ARHGEF10L: variants seen among roughly 807,000 people sequenced by gnomAD.
ARHGEF10L encodes the protein Rho guanine nucleotide exchange factor 10 like, also known as rho guanine nucleotide exchange factor 10-like protein.
A neutral mutation model predicts 141.2 loss-of-function variants in ARHGEF10L; 69 were observed. The observed-to-expected ratio is 0.49, with a 90% CI of 0.40 to 0.60. The LOEUF is 0.60. Ranked by LOEUF, ARHGEF10L falls within the 20% of genes least tolerant of loss-of-function variation. The pLI is 0.00. For missense variants in ARHGEF10L, 1,482 were observed against 1,734.3 expected, an observed-to-expected ratio of 0.85 and a Z score of 2.58; for synonymous variants, 711 against 718.5, an observed-to-expected ratio of 0.99 and a Z score of 0.17.
chr1:17,597,361 A>T (rs559034434), intron 4 of ARHGEF10L, among the ~76,000 whole-genome samples: 1 of 151,950 alleles, frequency 6.6e-6, no homozygotes, highest in Admixed American at 6.6e-5. Context: ...CGTGGCTTCC[A>T]TGGACAGCGG....
intron 9 of ARHGEF10L, among the ~76,000 whole-genome samples, chr1:17,617,711 T>A (rs1041419786): frequency 4.6e-5 from 7 of 152,296 alleles, no homozygotes; most frequent in Non-Finnish European, 8.8e-5. Flanking sequence ...AATTCTGTAA[T>A]CTCCCTGTGC....
intron 1 of ARHGEF10L, among the ~76,000 whole-genome samples, chr1:17,563,488 G>A (rs187988347): frequency 6.6e-6 from 1 of 152,250 alleles, no homozygotes; most frequent in Admixed American, 6.5e-5. Context: ...GCCTGTCTCG[G>A]CCTCCCAAAG....
Position 17,656,751 on chromosome 1 carries a change from G to A in ARHGEF10L, c.2860+43G>A, listed in dbSNP as rs1365565485. The A allele has an allele frequency of 6.3e-7, 1 of 1,581,842 alleles. No individual in the cohort carries two copies. The highest frequency in any genetic ancestry group is 8.6e-7 in the Non-Finnish European group (1 of 1,160,412). On this transcript the variant is annotated intron_variant, in intron 25 of 28. Coordinates refer to ENST00000361221, the MANE Select transcript of ARHGEF10L (RefSeq NM_018125.4). This position sits in a 1 kb window ranked among gnomAD's most constrained non-coding sequence, Gnocchi z 4.9. Reference sequence around the variant, plus strand: ...TGGGGGAAGGGGGGCAGTCCTGGATGCCAGCTGGGTGCCAGATTCTCTACC... The same window carrying A: ...TGGGGGAAGGGGGGCAGTCCTGGATACCAGCTGGGTGCCAGATTCTCTACC...
At chr1:17,564,435 T>A (rs1232960560) in intron 1 of ARHGEF10L, among the ~76,000 whole-genome samples, 1 of 152,204 alleles carries the variant, frequency 6.6e-6, no homozygotes, top group African/African-American at 2.4e-5. Context: ...CCTGATGTGC[T>A]GTCCCACTGG....
intron 1 of ARHGEF10L, among the ~76,000 whole-genome samples, chr1:17,570,169 A>G (rs1457875229): frequency 6.6e-6 from 1 of 152,220 alleles, no homozygotes; most frequent in Non-Finnish European, 1.5e-5. Context: ...GGCCTGTGCC[A>G]TGGGTGCAGA....
At chr1:17,665,817 G>A (rs1206472815) in intron 26 of ARHGEF10L, among the ~76,000 whole-genome samples, 1 of 152,142 alleles carries the variant, frequency 6.6e-6, no homozygotes, top group African/African-American at 2.4e-5. Flanking sequence ...TCGGCTCATG[G>A]GGTGATGGAG....
At chr1:17,663,349 C>G (rs1442790529) in intron 25 of ARHGEF10L, among the ~76,000 whole-genome samples, 2 of 152,000 alleles carry the variant, frequency 1.3e-5, no homozygotes, top group African/African-American at 4.8e-5. Flanking sequence ...GTCAGGAGTT[C>G]AAGACCAGCC....
chr1:17,646,932 G>A (rs181732886), intron 21 of ARHGEF10L, among the ~76,000 whole-genome samples: 45 of 152,074 alleles, frequency 3.0e-4, no homozygotes, highest in Non-Finnish European at 4.6e-4. Flanking sequence ...GGACTCCACT[G>A]ATGTTTCCAA....
rs917328747 is a variant in ARHGEF10L at position 17,639,945 on chromosome 1, G to A, written c.2172-257G>A. Reference sequence around the variant, plus strand: ...GGGCACAAAGCCAGAGGCTCCTGGAGCCAGGCTGGGGAGCGTGGCTCAGCC... The same window carrying A: ...GGGCACAAAGCCAGAGGCTCCTGGAACCAGGCTGGGGAGCGTGGCTCAGCC... On this transcript the variant is annotated intron_variant, in intron 20 of 28. Transcript: ENST00000361221. This position sits in a 1 kb window ranked among gnomAD's most constrained non-coding sequence, Gnocchi z 4.3. The A allele has an allele frequency of 6.7e-7, 1 of 1,484,052 alleles. No homozygotes were observed. Among genetic ancestry groups the A allele is most frequent in the Non-Finnish European group, 9.0e-7 (1 of 1,114,030 alleles). The allele number at this position is 1,484,052 out of a possible 1,614,324, so 91.9% of individuals were successfully genotyped here. A position where few individuals can be genotyped will look rare whatever the true frequency, so the allele number is the denominator to read the frequency against.
At chr1:17,588,643 A>T (rs1410932184) in intron 4 of ARHGEF10L, among the ~76,000 whole-genome samples, 164 bp downstream of exon 4, 1 of 152,052 alleles carries the variant, frequency 6.6e-6, no homozygotes, top group African/African-American at 2.4e-5. Context: ...GGTCAGTTCC[A>T]GAAACTCATG....
chr1:17,608,928 C>T (rs550479373), intron 7 of ARHGEF10L, among the ~76,000 whole-genome samples: 9 of 152,224 alleles, frequency 5.9e-5, no homozygotes, highest in East Asian at 3.9e-4. Flanking sequence ...GGATTACAGG[C>T]GTGCACCATC....
rs2059776405 is a variant in ARHGEF10L, at chr1:17,615,850, A to G, written c.727-244A>G. On this transcript the variant is annotated intron_variant, in intron 8 of 28. Transcript: ENST00000361221. The surrounding 1 kb of genome is among the most constrained non-coding windows in gnomAD (Gnocchi z 4.7). ...TCTCCTGGATTAGAAATCTGCTCAC[A>G]TAGTCTGTCCTGAAAGGAAAAAAAT... 1 of 447,412 alleles carries G rather than the reference A, an allele frequency of 2.2e-6. No individual in the cohort carries two copies. The highest frequency in any genetic ancestry group is 4.1e-6 in the Non-Finnish European group (1 of 242,418). The allele number at this position is 447,412 out of a possible 1,614,324, so 27.7% of individuals were successfully genotyped here. A position where few individuals can be genotyped will look rare whatever the true frequency, so the allele number is the denominator to read the frequency against.
At chr1:17,597,439 C>T (rs947766582) in intron 4 of ARHGEF10L, among the ~76,000 whole-genome samples, 14 of 152,078 alleles carry the variant, frequency 9.2e-5, no homozygotes, top group African/African-American at 3.4e-4. Flanking sequence ...GGGAGGGTCA[C>T]GGGTACAGGA....
intron 27 of ARHGEF10L, chr1:17,694,310 C>T (rs1328396712): frequency 6.4e-6 from 1 of 155,448 alleles, no homozygotes; most frequent in East Asian, 1.9e-4. Flanking sequence ...GACACCATGG[C>T]CCAGAGGAGT....
chr1:17,543,784 A>G (rs1190535663), intron 1 of ARHGEF10L, among the ~76,000 whole-genome samples: 1 of 150,140 alleles, frequency 6.7e-6, no homozygotes, highest in African/African-American at 2.5e-5. Flanking sequence ...AGTAGCTGGA[A>G]TTACAGGTGC....
intron 1 of ARHGEF10L, among the ~76,000 whole-genome samples, chr1:17,577,201 C>G (rs567464613): frequency 1.3e-5 from 2 of 152,100 alleles, no homozygotes; most frequent in Non-Finnish European, 2.9e-5. Flanking sequence ...TGTGCCACCA[C>G]GGCTGGCTAA....
chr1:17,587,705 G>T, intron 3 of ARHGEF10L, 60 bp downstream of exon 3: 2 of 1,517,212 alleles, frequency 1.3e-6, no homozygotes, highest in Non-Finnish European at 1.8e-6. Context: ...GAACTGGGCG[G>T]AAGCTCCAGG....
chr1:17,552,536 C>T (rs963894343), intron 1 of ARHGEF10L, among the ~76,000 whole-genome samples: 9 of 139,662 alleles, frequency 6.4e-5, no homozygotes, highest in Non-Finnish European at 1.4e-4. Flanking sequence ...GTAGTTGGGA[C>T]TACAGGTGCA....
At chr1:17,691,352 T>C (rs550319692) in intron 27 of ARHGEF10L, among the ~76,000 whole-genome samples, 1 of 152,284 alleles carries the variant, frequency 6.6e-6, no homozygotes, top group East Asian at 1.9e-4. Flanking sequence ...ATGAAGCCAT[T>C]TCTCAATTCC....
Sources: gnomAD v4.1 joint callset for allele counts (sites outside exome capture counted in the v4.1 genomes callset) on GRCh38, gnomAD v4.1.1 for gene constraint, Gnocchi (gnomAD v3.1) non-coding constraint, MANE v1.5 for transcripts, NCBI Gene and HGNC (gene_info 2026-07-23, HGNC 2026-07-21) for gene names.